The following SUGCT variants were observed in gnomAD, a reference collection of about 807,000 sequenced individuals.
SUGCT encodes the protein succinyl-CoA:glutarate-CoA transferase.
A neutral mutation model predicts 55.0 loss-of-function variants in SUGCT; 41 were observed. That is an observed-to-expected ratio of 0.74 (90% CI 0.58 to 0.97). SUGCT has a LOEUF of 0.97. Among genes scored for constraint, SUGCT ranks in the 50% least tolerant of loss-of-function variants. The pLI is 0.00. For missense variants in SUGCT, 568 were observed against 547.8 expected (o/e 1.04, Z -0.37); for synonymous variants, 187 against 200.4 (o/e 0.93, Z 0.56).
the SUGCT span, among the ~76,000 whole-genome samples, chr7:40,992,283 T>A: frequency 6.6e-6 from 1 of 151,726 alleles, no homozygotes; most frequent in Non-Finnish European, 1.5e-5. Flanking sequence ...CTGGCGGGAG[T>A]GTCTTTTAGC....
the SUGCT span, among the ~76,000 whole-genome samples, chr7:40,994,403 C>T: frequency 5.2e-3 from 674 of 130,042 alleles, 7 homozygotes; most frequent in African/African-American, 0.016. Flanking sequence ...AAGAGTCACC[C>T]CCCCATTTTG....
At chr7:41,009,691 C>G in the SUGCT span, among the ~76,000 whole-genome samples, 1 of 152,110 alleles carries the variant, frequency 6.6e-6, no homozygotes, top group Non-Finnish European at 1.5e-5. Flanking sequence ...CTTCCATCCA[C>G]TATCCATCCT....
At chr7:40,987,198 A>G in the SUGCT span, among the ~76,000 whole-genome samples, 1 of 152,210 alleles carries the variant, frequency 6.6e-6, no homozygotes, top group Non-Finnish European at 1.5e-5. Context: ...GTTTTGCCTC[A>G]GGGTCTGAGG....
At chr7:40,402,506 T>C (rs1786131188) in intron 9 of SUGCT, among the ~76,000 whole-genome samples, 1 of 152,154 alleles carries the variant, frequency 6.6e-6, no homozygotes, top group African/African-American at 2.4e-5. Flanking sequence ...GGAAAATTTA[T>C]TATTAGAAAA....
chr7:41,020,471 A>C, the SUGCT span, among the ~76,000 whole-genome samples: 7 of 152,250 alleles, frequency 4.6e-5, no homozygotes, highest in African/African-American at 1.7e-4. Flanking sequence ...CACAGATTTA[A>C]AATAACAGGG....
chr7:40,292,427 C>T (rs541633848), intron 8 of SUGCT, among the ~76,000 whole-genome samples: 7 of 152,104 alleles, frequency 4.6e-5, no homozygotes, highest in South Asian at 4.2e-4. Flanking sequence ...ACAGGATAGA[C>T]GACAATTCAG....
chr7:40,371,909 A>G (rs941494439), intron 9 of SUGCT, among the ~76,000 whole-genome samples: 5 of 151,842 alleles, frequency 3.3e-5, no homozygotes, highest in Admixed American at 1.3e-4. Context: ...AACAAAAAGT[A>G]TAATTATTGC....
intron 9 of SUGCT, among the ~76,000 whole-genome samples, chr7:40,379,588 G>A (rs555474872): frequency 1.3e-5 from 2 of 152,038 alleles, no homozygotes; most frequent in Non-Finnish European, 2.9e-5. Context: ...ATTCTTTGTT[G>A]TATGTGACCA....
intron 12 of SUGCT, among the ~76,000 whole-genome samples, chr7:40,597,303 C>G (rs1351065134): frequency 6.6e-6 from 1 of 152,068 alleles, no homozygotes; most frequent in Non-Finnish European, 1.5e-5. Context: ...TAGAACTGTG[C>G]AATTGTTGTA....
the SUGCT span, among the ~76,000 whole-genome samples, chr7:40,918,142 A>ACCCCC: frequency 6.6e-6 from 1 of 151,688 alleles, no homozygotes; most frequent in Admixed American, 6.6e-5. Context: ...ATCTCCTCAT[A>ACCCCC]CCCCCCTGAA....
At chr7:40,625,297 A>G (rs1364581267) in intron 12 of SUGCT, among the ~76,000 whole-genome samples, 1 of 152,080 alleles carries the variant, frequency 6.6e-6, no homozygotes, top group Non-Finnish European at 1.5e-5. Flanking sequence ...TCACTCCCAC[A>G]GAGAACTGTT....
At chr7:40,180,880 T>C in intron 1 of SUGCT, 67 bp from the exon 2 acceptor site, 1 of 1,152,528 alleles carries the variant, frequency 8.7e-7, no homozygotes, top group South Asian at 1.2e-5. Context: ...AAGCTTATAA[T>C]GGTGTATGTG....
intron 12 of SUGCT, among the ~76,000 whole-genome samples, chr7:40,602,112 G>T (rs1798321647): frequency 6.6e-6 from 1 of 152,094 alleles, no homozygotes; most frequent in Admixed American, 6.5e-5. Context: ...AAATAGATTT[G>T]TTTCCTCTCT....
At chr7:40,738,100 G>A (rs1421436004) in intron 12 of SUGCT, among the ~76,000 whole-genome samples, 3 of 151,456 alleles carry the variant, frequency 2.0e-5, no homozygotes, top group Non-Finnish European at 4.4e-5. Flanking sequence ...AGGAGGCTGA[G>A]GCAGGAGAAT....
chr7:40,165,375 C>T (rs555373876), intron 1 of SUGCT, among the ~76,000 whole-genome samples: 5 of 152,084 alleles, frequency 3.3e-5, no homozygotes, highest in East Asian at 1.9e-4. Flanking sequence ...TTATTTGTGT[C>T]GTCTAAACCC....
intron 9 of SUGCT, among the ~76,000 whole-genome samples, chr7:40,436,423 G>T (rs1788181573): frequency 6.6e-6 from 1 of 152,144 alleles, no homozygotes; most frequent in Non-Finnish European, 1.5e-5. Flanking sequence ...TAAATCCAGA[G>T]ATATGATGAA....
intron 13 of SUGCT, among the ~76,000 whole-genome samples, chr7:40,820,017 T>A (rs1419511738): frequency 6.6e-6 from 1 of 152,250 alleles, no homozygotes; most frequent in Non-Finnish European, 1.5e-5. Context: ...AAATAGGGAA[T>A]CCTTCCCCCA....
At chr7:40,390,037 A>G (rs1785337434) in intron 9 of SUGCT, among the ~76,000 whole-genome samples, 2 of 152,220 alleles carry the variant, frequency 1.3e-5, no homozygotes, top group African/African-American at 2.4e-5. Flanking sequence ...CAAAAACCAC[A>G]TGATTATCTC....
At chr7:40,202,703 G>A (rs2150769443) in intron 6 of SUGCT, among the ~76,000 whole-genome samples, 1 of 152,220 alleles carries the variant, frequency 6.6e-6, no homozygotes, top group East Asian at 1.9e-4. Flanking sequence ...GGGGAGTTTT[G>A]TAGTCTCCTC....
Sources: gnomAD v4.1 joint callset for allele counts (sites outside exome capture counted in the v4.1 genomes callset) on GRCh38, gnomAD v4.1.1 for gene constraint, MANE v1.5 for transcripts, NCBI Gene and HGNC (gene_info 2026-07-23, HGNC 2026-07-21) for gene names.